Variants in COL24A1 observed in about 807,000 individuals in gnomAD.
The protein encoded by COL24A1 is collagen alpha-1(XXIV) chain.
A neutral mutation model predicts 253.9 loss-of-function variants in COL24A1; 224 were observed. The ratio of observed to expected loss-of-function variants is 0.88; its 90% CI spans 0.79 to 0.99. COL24A1 has a LOEUF of 0.99. COL24A1 is among the 50% of genes least tolerant of loss of function. The pLI, the probability that COL24A1 is intolerant of heterozygous loss-of-function variation, is 0.00. For missense variants in COL24A1, 2,131 were observed against 2,068.5 expected, an observed-to-expected ratio of 1.03 and a Z score of -0.59; for synonymous variants, 685 against 673.7, an observed-to-expected ratio of 1.02 and a Z score of -0.26.
At chr1:85,838,180 G>A (rs1364180555) in intron 43 of COL24A1, among the ~76,000 whole-genome samples, 2 of 120,506 alleles carry the variant, frequency 1.7e-5, no homozygotes, top group East Asian at 1.9e-4. Context: ...TGAGAGACAA[G>A]ATTTTTTTTC....
chr1:85,880,693 G>A (rs1681731434), intron 32 of COL24A1, among the ~76,000 whole-genome samples: 1 of 148,794 alleles, frequency 6.7e-6, no homozygotes, highest in East Asian at 2.0e-4. Context: ...TCAAAAAGCT[G>A]AGGAAGTGCC....
chr1:85,834,019 T>C lies in COL24A1; in HGVS notation c.3681+4566A>G, dbSNP rs571665334. On this transcript the variant is annotated intron_variant, in intron 43 of 59. Transcript: ENST00000370571. ...ATTAGGAGCTATACCTAATGCTAAA[T>C]GATGAGTTAATGGGTGCAGCACACC... 2.0e-5 allele frequency among the ~76,000 whole-genome samples: 3 copies of C among 150,634 alleles called. No individual in the cohort carries two copies. In the South Asian group the frequency reaches 6.4e-4, roughly 32 times the overall value.
chr1:85,943,671 CAT>C (rs1269429342), intron 24 of COL24A1, among the ~76,000 whole-genome samples: 3 of 152,200 alleles, frequency 2.0e-5, no homozygotes, highest in Non-Finnish European at 4.4e-5. Context: ...GAATAGACAA[CAT>C]ATGTTTATAA....
At chr1:86,009,390 G>A (rs1442103653) in intron 19 of COL24A1, among the ~76,000 whole-genome samples, 3 of 151,724 alleles carry the variant, frequency 2.0e-5, no homozygotes, top group Non-Finnish European at 4.4e-5. Context: ...TTTTGTCATT[G>A]TGTGAACATC....
intron 14 of COL24A1, among the ~76,000 whole-genome samples, chr1:86,026,957 A>G (rs1304352133): frequency 1.3e-5 from 2 of 152,184 alleles, no homozygotes; most frequent in African/African-American, 2.4e-5. Context: ...GACTCTTGCT[A>G]TGCTTTAGCT....
intron 12 of COL24A1, among the ~76,000 whole-genome samples, chr1:86,044,174 C>A (rs1368803756): frequency 2.0e-5 from 3 of 152,136 alleles, no homozygotes; most frequent in Non-Finnish European, 4.4e-5. Flanking sequence ...CCATGATTCT[C>A]ATGGAATTTT....
chr1:85,948,409 A>G (rs1689540455), intron 24 of COL24A1, among the ~76,000 whole-genome samples: 1 of 150,154 alleles, frequency 6.7e-6, no homozygotes, highest in African/African-American at 2.4e-5. Context: ...CTGTAGTCCC[A>G]GCTACTCGGG....
chr1:85,806,939 T>C (rs1300665318), intron 47 of COL24A1, among the ~76,000 whole-genome samples: 1 of 152,198 alleles, frequency 6.6e-6, no homozygotes, highest in Non-Finnish European at 1.5e-5. Context: ...AGAATTTGCA[T>C]ATTAATACAT....
At position 85,784,270 on chromosome 1, in the gene COL24A1, T is replaced by C; in HGVS notation, c.4156A>G (p.Lys1386Glu). 1.9e-6 allele frequency: 3 copies of C among 1,614,044 alleles called. No individual in the cohort carries two copies. Among genetic ancestry groups the C allele is most frequent in the Non-Finnish European group, 2.5e-6 (3 of 1,179,936 alleles). The change falls in exon 49 of 60, where the codon AAA (lysine) becomes GAA (glutamate). Residue 1386 changes from lysine (K) to glutamate (E), a missense_variant. Transcript: ENST00000370571. The stretch of plus-strand genomic sequence containing the variant: ...GAGGTGGTACATACAGGCTGCCCTT[T>C]CAGGCCAGGGTCTCCACATGGTCCT... The part of the protein sequence containing the change: ...DQGPCGDPGL[K>E]GQPGEYGVQG...
At chr1:85,848,562 G>C (rs868701808) in intron 38 of COL24A1, among the ~76,000 whole-genome samples, 27 of 152,104 alleles carry the variant, frequency 1.8e-4, no homozygotes, top group African/African-American at 4.3e-4. Flanking sequence ...CGCCCACCTC[G>C]GCCTCCCAAA....
intron 12 of COL24A1, among the ~76,000 whole-genome samples, chr1:86,036,737 T>C (rs1410210979): frequency 6.6e-6 from 1 of 152,178 alleles, no homozygotes; most frequent in Non-Finnish European, 1.5e-5. Context: ...AGTGACAAAA[T>C]ACATATCTTT....
intron 52 of COL24A1, among the ~76,000 whole-genome samples, chr1:85,776,899 C>T (rs1668598595): frequency 6.6e-6 from 1 of 151,858 alleles, no homozygotes; most frequent in African/African-American, 2.4e-5. Context: ...CATCTTGTCT[C>T]AATTCATTTT....
At chr1:85,918,865 T>C (rs1415886935) in intron 24 of COL24A1, among the ~76,000 whole-genome samples, 1 of 152,184 alleles carries the variant, frequency 6.6e-6, no homozygotes, top group Non-Finnish European at 1.5e-5. Context: ...TGTTTTACTG[T>C]TTGAAATATT....
chr1:85,925,043 GC>G (rs1687024645), intron 24 of COL24A1, among the ~76,000 whole-genome samples: 15 of 152,218 alleles, frequency 9.9e-5, no homozygotes, highest in Admixed American at 7.2e-4. Flanking sequence ...CAAACAGAGA[GC>G]CAAATCATGA....
intron 5 of COL24A1, among the ~76,000 whole-genome samples, chr1:86,103,891 C>T (rs1031781136): frequency 6.5e-4 from 99 of 152,108 alleles, no homozygotes; most frequent in African/African-American, 2.3e-3. Flanking sequence ...GGTATCTTGC[C>T]GGGGTTCTCT....
intron 1 of COL24A1, among the ~76,000 whole-genome samples, chr1:86,150,581 A>C (rs1251318975): frequency 2.0e-5 from 3 of 151,836 alleles, no homozygotes; most frequent in Non-Finnish European, 4.4e-5. Context: ...TTTTTTTCTT[A>C]ATTTTCATTT....
intron 20 of COL24A1, among the ~76,000 whole-genome samples, chr1:85,973,849 GA>G (rs528729606): frequency 1.9e-4 from 29 of 151,850 alleles, no homozygotes; most frequent in East Asian, 1.9e-4. Flanking sequence ...TGGGTTAAGA[GA>G]AAAAAAATCT....
At position 86,156,646 on chromosome 1, in the gene COL24A1, C is replaced by T. The variant is rs949533285; in HGVS notation, c.-250G>A. The T allele has an allele frequency of 2.9e-6, 1 of 349,614 alleles. No homozygotes were observed. Among genetic ancestry groups the T allele is most frequent in the East Asian group, 4.8e-5 (1 of 20,978 alleles). The allele number at this position is 349,614 out of a possible 1,614,324, so 21.7% of individuals were successfully genotyped here. A position where few individuals can be genotyped will look rare whatever the true frequency, so the allele number is the denominator to read the frequency against. On this transcript the variant is annotated 5_prime_UTR_variant, in exon 1 of 60. Transcript: ENST00000370571. ...ACGAACGAGCCCAGGGTTGCGCTCC[C>T]CGGGGAGGGCGGGCGAGGAGGTAAA...
chr1:85,764,825 C>A (rs1286440044), intron 53 of COL24A1, among the ~76,000 whole-genome samples: 4 of 152,022 alleles, frequency 2.6e-5, no homozygotes, highest in African/African-American at 7.2e-5. Flanking sequence ...GCTACCCAAG[C>A]TGGCTTTGAA....
Sources: gnomAD v4.1 joint callset for allele counts (sites outside exome capture counted in the v4.1 genomes callset) on GRCh38, gnomAD v4.1.1 for gene constraint, MANE v1.5 for transcripts, NCBI Gene and HGNC (gene_info 2026-07-23, HGNC 2026-07-21) for gene names.